Variants in UTRN observed in about 807,000 individuals in gnomAD.
The protein encoded by UTRN is utrophin.
Under a neutral mutation model 463.9 loss-of-function variants are expected in UTRN, and 283 were observed. The observed-to-expected ratio is 0.61, with a 90% CI of 0.55 to 0.67. The LOEUF (loss-of-function observed/expected upper bound fraction) is 0.67, where lower values mean the gene tolerates loss of function less well. Ranked by LOEUF, UTRN falls within the 30% of genes least tolerant of loss-of-function variation. The probability of loss-of-function intolerance (pLI) is 0.00; values close to 1 mark genes in which losing one functional copy is unlikely to be tolerated. For missense variants in UTRN, 3,922 were observed against 4,084.3 expected (o/e 0.96, Z 1.08); for synonymous variants, 1,442 against 1,431.5 (o/e 1.01, Z -0.17).
At chr6:144,586,887 C>G (rs112926658) in intron 51 of UTRN, among the ~76,000 whole-genome samples, 1,627 of 152,270 alleles carry the variant, frequency 0.011, 14 homozygotes, top group Non-Finnish European at 0.017. Flanking sequence ...CTTCTATTTG[C>G]TTGAATGTAT....
chr6:144,771,695 G>A (rs1487785442), intron 58 of UTRN, among the ~76,000 whole-genome samples: 1 of 151,358 alleles, frequency 6.6e-6, no homozygotes, highest in Non-Finnish European at 1.5e-5. Context: ...CAAAGTGCTG[G>A]GATTACAGGA....
chr6:144,837,937 G>A (rs1477222321), intron 71 of UTRN, among the ~76,000 whole-genome samples: 3 of 152,136 alleles, frequency 2.0e-5, no homozygotes, highest in South Asian at 2.1e-4. Flanking sequence ...GAAGCCCTTC[G>A]GAATGTTTGA....
chr6:144,309,459 A>T (rs1806049484), intron 2 of UTRN, among the ~76,000 whole-genome samples: 1 of 152,212 alleles, frequency 6.6e-6, no homozygotes, highest in Non-Finnish European at 1.5e-5. Context: ...GATAAAGGCA[A>T]TGTGATTCTT....
At chr6:144,749,562 A>G (rs376261740) in intron 55 of UTRN, among the ~76,000 whole-genome samples, 2 of 152,196 alleles carry the variant, frequency 1.3e-5, no homozygotes, top group South Asian at 2.1e-4. Context: ...TAGGTTCTTT[A>G]TGCTAGAACA....
rs1395300756 is a variant in UTRN, at chr6:144,286,347, G to A, written c.-93+526G>A. On this transcript the variant is annotated intron_variant, in intron 1 of 74. Coordinates refer to ENST00000367545, the MANE Select transcript of UTRN (RefSeq NM_007124.3). The surrounding 1 kb of genome is among the most constrained non-coding windows in gnomAD (Gnocchi z 4.4). ...CTGTGTGGTCGGCGGCCAGCGGAGCGCTTCCCAGCCAGCCGCCCGGCGGGG... is the reference window on the plus strand; with the variant it reads ...CTGTGTGGTCGGCGGCCAGCGGAGCACTTCCCAGCCAGCCGCCCGGCGGGG... Among the ~76,000 whole-genome samples, 1 of 152,124 alleles carries A rather than the reference G, an allele frequency of 6.6e-6. No individual in the cohort carries two copies. Among genetic ancestry groups the A allele is most frequent in the African/African-American group, 2.4e-5 (1 of 41,438 alleles).
At chr6:144,716,965 T>C (rs1264634736) in intron 53 of UTRN, among the ~76,000 whole-genome samples, 1 of 152,230 alleles carries the variant, frequency 6.6e-6, no homozygotes, top group African/African-American at 2.4e-5. Flanking sequence ...ATGAACACTT[T>C]TGTGTTCGTA....
At chr6:144,349,250 C>T (rs1584388389) in intron 2 of UTRN, among the ~76,000 whole-genome samples, 1 of 152,150 alleles carries the variant, frequency 6.6e-6, no homozygotes, top group East Asian at 1.9e-4. Context: ...CCTCGTGATC[C>T]GCCCGCCTCA....
intron 57 of UTRN, among the ~76,000 whole-genome samples, chr6:144,756,318 G>C (rs17074127): frequency 6.6e-6 from 1 of 151,978 alleles, no homozygotes; most frequent in Non-Finnish European, 1.5e-5. Flanking sequence ...CTTTCACCTA[G>C]CAATCACTCT....
chr6:144,605,440 C>T (rs1804739372), intron 51 of UTRN, among the ~76,000 whole-genome samples: 1 of 151,926 alleles, frequency 6.6e-6, no homozygotes. Context: ...ATAGAACTTC[C>T]TTTGCTGTTT....
intron 50 of UTRN, among the ~76,000 whole-genome samples, chr6:144,558,372 G>A (rs1419335799): frequency 6.6e-6 from 1 of 152,118 alleles, no homozygotes; most frequent in Non-Finnish European, 1.5e-5. Context: ...AAGCAGAGTG[G>A]CTATAATATT....
intron 2 of UTRN, among the ~76,000 whole-genome samples, chr6:144,346,226 A>G (rs948777133): frequency 2.0e-5 from 3 of 152,020 alleles, no homozygotes; most frequent in Admixed American, 6.6e-5. Flanking sequence ...ATGAGTAGCT[A>G]CAGTGTTAAA....
chr6:144,667,205 C>G (rs1477219038), intron 51 of UTRN, among the ~76,000 whole-genome samples: 1 of 152,088 alleles, frequency 6.6e-6, no homozygotes, highest in Non-Finnish European at 1.5e-5. Context: ...CAGACATGCA[C>G]CACCACACCC....
intron 60 of UTRN, among the ~76,000 whole-genome samples, chr6:144,776,820 A>C (rs1775366248): frequency 1.3e-5 from 2 of 152,190 alleles, no homozygotes. Flanking sequence ...TATTTCATTA[A>C]AAGTAATGGC....
rs542234422 is a variant in UTRN, at chr6:144,737,641, T to C, written c.7939+7155T>C. On this transcript the variant is annotated intron_variant, in intron 54 of 74. Coordinates refer to ENST00000367545, the MANE Select transcript of UTRN (RefSeq NM_007124.3). ...AAACTCAACTACTCAGATTTCTGCT[T>C]ATAAATGGCTATTAAGTAAATATGA... Among the ~76,000 whole-genome samples the C allele has an allele frequency of 1.4e-4, 21 of 152,338 alleles. No individual in the cohort carries two copies. The South Asian group carries it at 4.3e-3, about 32-fold the overall frequency.
intron 3 of UTRN, among the ~76,000 whole-genome samples, chr6:144,410,089 A>G (rs1398915948): frequency 6.6e-6 from 1 of 152,146 alleles, no homozygotes; most frequent in Non-Finnish European, 1.5e-5. Flanking sequence ...GACTGGATTT[A>G]TCTATTTCCT....
At chr6:144,695,793 A>G (rs1033639646) in intron 52 of UTRN, among the ~76,000 whole-genome samples, 2 of 152,188 alleles carry the variant, frequency 1.3e-5, no homozygotes, top group African/African-American at 4.8e-5. Context: ...AGGAACTTTT[A>G]TTATATTTTT....
At chr6:144,724,026 A>AG (rs1562819749) in intron 53 of UTRN, among the ~76,000 whole-genome samples, 1 of 150,034 alleles carries the variant, frequency 6.7e-6, no homozygotes, top group Non-Finnish European at 1.5e-5. Flanking sequence ...AAAAAAAAAA[A>AG]AAAGAAAGAA....
intron 54 of UTRN, among the ~76,000 whole-genome samples, chr6:144,747,392 G>A (rs901280909): frequency 1.3e-5 from 2 of 152,180 alleles, no homozygotes; most frequent in African/African-American, 4.8e-5. Flanking sequence ...TTTCTAAGCT[G>A]TCTTGAGAAT....
rs10719333 is a variant in UTRN at position 144,728,474 on chromosome 6, CTTTTT to C, written c.7810-1874_7810-1870del. 3.4e-5 allele frequency among the ~76,000 whole-genome samples: 5 copies of C among 145,796 alleles called. No homozygotes were observed. The East Asian group carries it at 7.9e-4, about 23-fold the overall frequency. On this transcript the variant is annotated intron_variant, in intron 53 of 74. Transcript: ENST00000367545. Reference sequence around the variant, plus strand: ...ACTTTAAGTGCCAGATGTATATAATCTTTTTTTTTTTTTAATTTCCTGAATGTCAC... The same window carrying C: ...ACTTTAAGTGCCAGATGTATATAATCTTTTTTTTAATTTCCTGAATGTCAC...
Sources: gnomAD v4.1 joint callset for allele counts (sites outside exome capture counted in the v4.1 genomes callset) on GRCh38, gnomAD v4.1.1 for gene constraint, Gnocchi (gnomAD v3.1) non-coding constraint, MANE v1.5 for transcripts, NCBI Gene and HGNC (gene_info 2026-07-23, HGNC 2026-07-21) for gene names.